PCDHGA3: variants seen among roughly 807,000 people sequenced by gnomAD.
The protein encoded by PCDHGA3 is protocadherin gamma subfamily A, 3, also known as protocadherin gamma-A3.
In PCDHGA3, 40 loss-of-function variants were observed where a neutral mutation model predicts 58.5. The ratio of observed to expected loss-of-function variants is 0.68; its 90% CI spans 0.53 to 0.89. The LOEUF is 0.89. Ranked by LOEUF, PCDHGA3 falls within the 40% of genes least tolerant of loss-of-function variation. PCDHGA3 has a pLI of 0.00. For missense variants in PCDHGA3, 1,223 were observed against 1,195.9 expected, an observed-to-expected ratio of 1.02 and a Z score of -0.33; for synonymous variants, 530 against 525.7, an observed-to-expected ratio of 1.01 and a Z score of -0.11.
chr5:141,469,112 A>T (rs1207790108), intron 1 of PCDHGA3, among the ~76,000 whole-genome samples: 1 of 151,698 alleles, frequency 6.6e-6, no homozygotes, highest in African/African-American at 2.4e-5. Flanking sequence ...ACCTGTCTCT[A>T]AAAAAATTTA....
chr5:141,374,856 G>A, intron 1 of PCDHGA3: 1 of 1,613,686 alleles, frequency 6.2e-7, no homozygotes, highest in South Asian at 1.1e-5. Flanking sequence ...CTGCCAGTAG[G>A]CACACCAGTG....
At position 141,490,688 on chromosome 5, in the gene PCDHGA3, C is replaced by A; in HGVS notation, c.2425-4119C>A. ...ACTGTGGCTGCCTCAGATCCAGACA[C>A]TGGGGATAATGCCCGCCTCACCTAC... On this transcript the variant is annotated intron_variant, in intron 1 of 3. Coordinates refer to ENST00000253812, the MANE Select transcript of PCDHGA3 (RefSeq NM_018916.4). The surrounding 1 kb of genome is among the most constrained non-coding windows in gnomAD (Gnocchi z 5.4). The A allele has an allele frequency of 6.2e-7, 1 of 1,614,218 alleles. No individual in the cohort carries two copies. The highest frequency in any genetic ancestry group is 8.5e-7 in the Non-Finnish European group (1 of 1,180,032).
chr5:141,467,295 C>T (rs2099141170), intron 1 of PCDHGA3, among the ~76,000 whole-genome samples: 1 of 152,114 alleles, frequency 6.6e-6, no homozygotes, highest in South Asian at 2.1e-4. Flanking sequence ...TCAAGTGATC[C>T]ACTCACCTCG....
Position 141,485,959 on chromosome 5 carries a change from C to A in PCDHGA3, c.2425-8848C>A, listed in dbSNP as rs758835557. The A allele has an allele frequency of 6.2e-7, 1 of 1,614,160 alleles. No homozygotes were observed. The highest frequency in any genetic ancestry group is 1.3e-5 in the African/African-American group (1 of 75,054). Reference sequence around the variant, plus strand: ...GCGCACCAGCGGGCATGGTGCTCATCCAGCTCAATGCCTCAGACCCGGACC... The same window carrying A: ...GCGCACCAGCGGGCATGGTGCTCATACAGCTCAATGCCTCAGACCCGGACC... On this transcript the variant is annotated intron_variant, in intron 1 of 3. Coordinates refer to ENST00000253812, the MANE Select transcript of PCDHGA3 (RefSeq NM_018916.4). The surrounding 1 kb of genome is among the most constrained non-coding windows in gnomAD (Gnocchi z 5.7).
In PCDHGA3 at chr5:141,489,734, A is replaced by G; in HGVS notation, c.2425-5073A>G. The G allele has an allele frequency of 6.2e-7, 1 of 1,614,164 alleles. No individual in the cohort carries two copies. Among genetic ancestry groups the G allele is most frequent in the Non-Finnish European group, 8.5e-7 (1 of 1,180,028 alleles). On this transcript the variant is annotated intron_variant, in intron 1 of 3. Transcript: ENST00000253812. This position sits in a 1 kb window ranked among gnomAD's most constrained non-coding sequence, Gnocchi z 4.5. ...GCCCAGGATCCGGATGTGGGCACCAATACTGTGAGCTTTTACACTCTAAGC... is the reference window on the plus strand; with the variant it reads ...GCCCAGGATCCGGATGTGGGCACCAGTACTGTGAGCTTTTACACTCTAAGC...
In PCDHGA3 at chr5:141,419,975, G is replaced by A. The variant is rs372316838; in HGVS notation, c.2424+73518G>A. ...CTTGATTTCTGTGCTCTTTCTCCTC[G>A]CGGTGATTCTAGCTATTGCTCTACG... On this transcript the variant is annotated intron_variant, in intron 1 of 3. Coordinates refer to ENST00000253812, the MANE Select transcript of PCDHGA3 (RefSeq NM_018916.4). 273 of 1,613,928 alleles carry A rather than the reference G, an allele frequency of 1.7e-4. No homozygotes were observed. The highest frequency in any genetic ancestry group is 2.2e-4 in the Non-Finnish European group (261 of 1,179,916).
rs2099623095 is a variant in PCDHGA3 at position 141,486,025 on chromosome 5, T to C, written c.2425-8782T>C. 1 of 1,613,958 alleles carries C rather than the reference T, an allele frequency of 6.2e-7. No individual in the cohort carries two copies. The highest frequency in any genetic ancestry group is 8.5e-7 in the Non-Finnish European group (1 of 1,179,932). The stretch of plus-strand genomic sequence containing the variant: ...ACGTCACCTTTTATTTCAGTGGTCA[T>C]ACCCCTGATCGTGTAAGAAACCTCT... On this transcript the variant is annotated intron_variant, in intron 1 of 3. Transcript: ENST00000253812. The surrounding 1 kb of genome is among the most constrained non-coding windows in gnomAD (Gnocchi z 5.0).
At position 141,432,202 on chromosome 5, in the gene PCDHGA3, T is replaced by C; in HGVS notation, c.2425-62605T>C. 1 of 1,614,120 alleles carries C rather than the reference T, an allele frequency of 6.2e-7. No homozygotes were observed. The highest frequency in any genetic ancestry group is 1.1e-5 in the South Asian group (1 of 91,072). ...CTGTGACCGCCCACGACCCCGACTGTGAAGAGAACGCCCAGATCACTTATT... is the reference window on the plus strand; with the variant it reads ...CTGTGACCGCCCACGACCCCGACTGCGAAGAGAACGCCCAGATCACTTATT... On this transcript the variant is annotated intron_variant, in intron 1 of 3. Coordinates refer to ENST00000253812, the MANE Select transcript of PCDHGA3 (RefSeq NM_018916.4). The surrounding 1 kb of genome is among the most constrained non-coding windows in gnomAD (Gnocchi z 6.0).
chr5:141,377,672 C>G (rs529772336), intron 1 of PCDHGA3: 1 of 151,784 alleles, frequency 6.6e-6, no homozygotes, highest in East Asian at 1.9e-4. Context: ...GACGTTCATA[C>G]AAGAGATCTT....
At chr5:141,385,271 TG>T (rs777522853) in intron 1 of PCDHGA3, 313 of 1,614,076 alleles carry the variant, frequency 1.9e-4, no homozygotes, top group Non-Finnish European at 2.4e-4. Flanking sequence ...AATGATTCTT[TG>T]CTAACATCCG....
chr5:141,408,316 G>T (rs1407149479), intron 1 of PCDHGA3: 2 of 1,613,750 alleles, frequency 1.2e-6, no homozygotes, highest in African/African-American at 1.3e-5. Flanking sequence ...ACTCGATTCC[G>T]GAGGAGCTGG....
intron 1 of PCDHGA3, chr5:141,355,385 G>A (rs746094461): frequency 1.2e-6 from 2 of 1,614,056 alleles, no homozygotes; most frequent in Non-Finnish European, 1.7e-6. Flanking sequence ...CTGGCGGAGC[G>A]CGGAGTCCGC....
intron 1 of PCDHGA3, chr5:141,424,664 A>G (rs923488035): frequency 1.3e-5 from 2 of 152,124 alleles, no homozygotes; most frequent in African/African-American, 4.8e-5. Context: ...CTTTAATTAA[A>G]CTGATTTAGC....
At chr5:141,434,453 T>C (rs1172243323) in intron 1 of PCDHGA3, among the ~76,000 whole-genome samples, 1 of 152,226 alleles carries the variant, frequency 6.6e-6, no homozygotes, top group Non-Finnish European at 1.5e-5. Context: ...TGGAAGGTAG[T>C]GGGTTTACCG....
chr5:141,351,454 C>T lies in PCDHGA3; in HGVS notation c.2424+4997C>T, dbSNP rs920289280. The T allele has an allele frequency of 2.5e-6, 4 of 1,613,146 alleles. No homozygotes were observed. The African/African-American group carries it at 5.3e-5, about 22-fold the overall frequency. ...TAGAATCCACCTCGAAGAATTATTA[C>T]AAGCTGGTGATTGCTGGAGCCCTAA... On this transcript the variant is annotated intron_variant, in intron 1 of 3. Transcript: ENST00000253812.
chr5:141,375,190 T>C, intron 1 of PCDHGA3: 1 of 1,613,964 alleles, frequency 6.2e-7, no homozygotes, highest in South Asian at 1.1e-5. Context: ...TCGCCCTTTT[T>C]CAAGTGTTCG....
chr5:141,367,022 A>G (rs1764910545), intron 1 of PCDHGA3: 1 of 407,704 alleles, frequency 2.5e-6, no homozygotes, highest in African/African-American at 2.1e-5. Flanking sequence ...ATTTTGTTAT[A>G]TTGGAACTGC....
intron 1 of PCDHGA3, chr5:141,357,448 C>T: frequency 1.9e-6 from 3 of 1,614,238 alleles, no homozygotes; most frequent in Non-Finnish European, 2.5e-6. Flanking sequence ...TCGGGCTTTC[C>T]TGCAGACCTA....
intron 1 of PCDHGA3, chr5:141,365,145 G>C (rs754518751): frequency 6.2e-7 from 1 of 1,613,864 alleles, no homozygotes; most frequent in Admixed American, 1.7e-5. Context: ...CCAGATGAGG[G>C]AATAAACGGG....
Sources: gnomAD v4.1 joint callset for allele counts (sites outside exome capture counted in the v4.1 genomes callset) on GRCh38, gnomAD v4.1.1 for gene constraint, Gnocchi (gnomAD v3.1) non-coding constraint, MANE v1.5 for transcripts, NCBI Gene and HGNC (gene_info 2026-07-23, HGNC 2026-07-21) for gene names.